MBNL2: variants seen among roughly 807,000 people sequenced by gnomAD.
MBNL2 encodes the protein muscleblind-like protein 2.
MBNL2 carries 17 observed loss-of-function variants against 41.9 expected under a neutral mutation model. The ratio of observed to expected loss-of-function variants is 0.41; its 90% CI spans 0.28 to 0.61. The LOEUF is 0.61. MBNL2 is among the 20% of genes least tolerant of loss of function. The probability of loss-of-function intolerance (pLI) is 0.35; values close to 1 mark genes in which losing one functional copy is unlikely to be tolerated. For synonymous variants in MBNL2, 195 were observed against 182.9 expected, an observed-to-expected ratio of 1.07 and a Z score of -0.53; for missense variants, 336 against 505.6, an observed-to-expected ratio of 0.66 and a Z score of 3.22.
chr13:97,314,867 T>A (rs1387304099), intron 2 of MBNL2, among the ~76,000 whole-genome samples: 1 of 152,178 alleles, frequency 6.6e-6, no homozygotes, highest in Non-Finnish European at 1.5e-5. Context: ...GATAAACTAT[T>A]CAACTTAGGT....
intron 2 of MBNL2, among the ~76,000 whole-genome samples, chr13:97,277,553 T>C (rs1446967888): frequency 6.6e-6 from 1 of 152,230 alleles, no homozygotes; most frequent in Non-Finnish European, 1.5e-5. Context: ...AAATTATGTC[T>C]CATAAGACAT....
At chr13:97,158,284 CT>C in the MBNL2 span, among the ~76,000 whole-genome samples, 4 of 150,618 alleles carry the variant, frequency 2.7e-5, no homozygotes, top group African/African-American at 4.9e-5. Flanking sequence ...ATTCTTCTCT[CT>C]TTTTTTCTTT....
chr13:97,222,405 CAG>C lies in MBNL2; in HGVS notation c.-730_-729del. ...CAGACGGCTTTCAGAGTACAATAAA[CAG>C]GGAATGAGAACTATTTACATGGAAG... On this transcript the variant is annotated 5_prime_UTR_variant, in exon 1 of 9. Coordinates refer to ENST00000679496, the MANE Select transcript of MBNL2 (RefSeq NM_001382683.1). 2.5e-6 allele frequency: 1 copy of C among 398,596 alleles called. No individual in the cohort carries two copies. Among genetic ancestry groups the C allele is most frequent in the Non-Finnish European group, 4.4e-6 (1 of 226,064 alleles). 24.7% of individuals were successfully genotyped at this position (398,596 alleles called of 1,614,324 possible).
At chr13:97,242,480 G>A (rs1426810260) in intron 1 of MBNL2, among the ~76,000 whole-genome samples, 1 of 152,076 alleles carries the variant, frequency 6.6e-6, no homozygotes, top group East Asian at 1.9e-4. Context: ...GACAGTAGAG[G>A]CATCAACAAT....
At chr13:97,347,219 TTTTTG>T (rs923198538) in intron 5 of MBNL2, 152 bp downstream of exon 5, 25 of 649,988 alleles carry the variant, frequency 3.8e-5, no homozygotes, top group African/African-American at 9.5e-5. Flanking sequence ...GTTTTCCCCC[TTTTTG>T]TTTTGTTTTG....
intron 2 of MBNL2, among the ~76,000 whole-genome samples, chr13:97,286,612 A>C (rs4771989): frequency 0.63 from 95,809 of 151,966 alleles, 30,583 homozygotes; most frequent in East Asian, 0.69. Flanking sequence ...TCCCTTAAGG[A>C]CCTATGTGAT....
the MBNL2 span, among the ~76,000 whole-genome samples, chr13:97,185,664 C>G: frequency 1.3e-5 from 2 of 152,190 alleles, no homozygotes; most frequent in African/African-American, 4.8e-5. Context: ...AAGTTGGAAA[C>G]GACAAAGAGA....
At chr13:97,237,448 C>T (rs867302345) in intron 1 of MBNL2, among the ~76,000 whole-genome samples, 4 of 152,212 alleles carry the variant, frequency 2.6e-5, no homozygotes, top group Admixed American at 6.5e-5. Flanking sequence ...CATTTCCTTT[C>T]CCCTCATGGA....
chr13:97,195,853 G>GT, the MBNL2 span, among the ~76,000 whole-genome samples: 3 of 152,160 alleles, frequency 2.0e-5, no homozygotes, highest in Non-Finnish European at 4.4e-5. Flanking sequence ...ACAGCATGTT[G>GT]TTTTTTTCTC....
At position 97,321,413 on chromosome 13, in the gene MBNL2, A is replaced by G. The variant is rs568066613; in HGVS notation, c.175-12863A>G. ...ACTTGACATTTAACAGGCTTGGGACAGTGTCTGTTTTCTACTATCCACTGT... is the reference window on the plus strand; with the variant it reads ...ACTTGACATTTAACAGGCTTGGGACGGTGTCTGTTTTCTACTATCCACTGT... On this transcript the variant is annotated intron_variant, in intron 2 of 8. Coordinates refer to ENST00000679496, the MANE Select transcript of MBNL2 (RefSeq NM_001382683.1). Among the ~76,000 whole-genome samples the G allele has an allele frequency of 3.3e-5, 5 of 152,294 alleles. No individual in the cohort carries two copies. The South Asian group carries it at 8.3e-4, about 25-fold the overall frequency.
At chr13:97,154,904 C>G in the MBNL2 span, among the ~76,000 whole-genome samples, 2 of 151,710 alleles carry the variant, frequency 1.3e-5, no homozygotes, top group Non-Finnish European at 2.9e-5. Context: ...TTAGAGGGAC[C>G]AATATTGAGT....
At chr13:97,201,512 A>G in the MBNL2 span, among the ~76,000 whole-genome samples, 1 of 152,214 alleles carries the variant, frequency 6.6e-6, no homozygotes, top group South Asian at 2.1e-4. Context: ...GACAGGAAAG[A>G]GGCTATTTGA....
At chr13:97,276,658 A>G (rs1463368859) in intron 2 of MBNL2, among the ~76,000 whole-genome samples, 2 of 152,182 alleles carry the variant, frequency 1.3e-5, no homozygotes, top group African/African-American at 4.8e-5. Context: ...CATGTACCCA[A>G]GAGTTTTAAA....
chr13:97,380,129 G>A (rs1450301145), intron 8 of MBNL2, among the ~76,000 whole-genome samples: 2 of 152,160 alleles, frequency 1.3e-5, no homozygotes, highest in Non-Finnish European at 2.9e-5. Flanking sequence ...GTGCAAAGAC[G>A]TATTCTTTCT....
chr13:97,157,807 T>C, the MBNL2 span, among the ~76,000 whole-genome samples: 9 of 151,920 alleles, frequency 5.9e-5, no homozygotes, highest in Admixed American at 2.0e-4. Context: ...CAGTATTTGA[T>C]TGAGGATTTT....
chr13:97,179,912 G>A, the MBNL2 span, among the ~76,000 whole-genome samples: 1 of 152,270 alleles, frequency 6.6e-6, no homozygotes, highest in East Asian at 1.9e-4. Flanking sequence ...AGGGCCTTTT[G>A]TTCCCCTTAT....
the MBNL2 span, among the ~76,000 whole-genome samples, chr13:97,216,312 G>A: frequency 4.6e-5 from 7 of 152,140 alleles, no homozygotes; most frequent in African/African-American, 1.7e-4. Context: ...ACCACTCCAT[G>A]TTCGGCATTG....
chr13:97,209,363 T>C, the MBNL2 span, among the ~76,000 whole-genome samples: 3 of 152,218 alleles, frequency 2.0e-5, no homozygotes, highest in South Asian at 2.1e-4. Flanking sequence ...CAGAATCCAC[T>C]TCAGCCACTA....
At position 97,334,123 on chromosome 13, in the gene MBNL2, A is replaced by T. The variant is rs1229699110; in HGVS notation, c.175-153A>T. On this transcript the variant is annotated intron_variant, in intron 2 of 8. Coordinates refer to ENST00000679496, the MANE Select transcript of MBNL2 (RefSeq NM_001382683.1). The surrounding 1 kb of genome is among the most constrained non-coding windows in gnomAD (Gnocchi z 5.3). ...ATGTTTGATTCACTTTTCCCCAACA[A>T]ACACATGAGCATGCGCGCGCACACC... is the stretch of plus-strand genomic sequence containing the variant. Among the ~76,000 whole-genome samples the T allele has an allele frequency of 6.9e-6, 1 of 145,666 alleles. No homozygotes were observed. Among genetic ancestry groups the T allele is most frequent in the African/African-American group, 2.6e-5 (1 of 38,106 alleles).
Sources: allele counts gnomAD v4.1 joint callset (sites outside exome capture counted in the v4.1 genomes callset), GRCh38; gene constraint gnomAD v4.1.1; non-coding constraint Gnocchi (gnomAD v3.1); transcripts MANE v1.5; gene names NCBI Gene and HGNC (gene_info 2026-07-23, HGNC 2026-07-21).